Variants in SNX10 observed in about 807,000 individuals in gnomAD.
SNX10 encodes sorting nexin-10.
In SNX10, 25 loss-of-function variants were observed where a neutral mutation model predicts 28.5. The observed-to-expected ratio is 0.88, with a 90% CI of 0.64 to 1.22. SNX10 has a LOEUF of 1.22. Among genes scored for constraint, SNX10 ranks in the 50% most tolerant of loss-of-function variants. The pLI is 0.00. For missense variants in SNX10, 223 were observed against 242.6 expected (o/e 0.92, Z 0.54); for synonymous variants, 62 against 81.4 (o/e 0.76, Z 1.28).
At chr7:26,354,692 T>G (rs904280043) in intron 2 of SNX10, among the ~76,000 whole-genome samples, 1 of 67,492 alleles carries the variant, frequency 1.5e-5, no homozygotes, top group Non-Finnish European at 3.1e-5. Context: ...ATAGTTTTGT[T>G]TTTTTTTAAA....
In SNX10 at chr7:26,372,706, G is replaced by T; in HGVS notation, c.*134G>T. On this transcript the variant is annotated 3_prime_UTR_variant, in exon 7 of 7. Coordinates refer to ENST00000338523, the MANE Select transcript of SNX10 (RefSeq NM_013322.3). ...GGTATTTAAATTCTTAAAGATGTTG[G>T]GTTGTTTATTAGTGGTATTTTTATG... 1.6e-6 allele frequency: 1 copy of T among 608,906 alleles called. No individual in the cohort carries two copies. Among genetic ancestry groups the T allele is most frequent in the Admixed American group, 2.8e-5 (1 of 35,212 alleles). 37.7% of individuals were successfully genotyped at this position (608,906 alleles called of 1,614,324 possible).
chr7:26,346,320 G>T (rs569325455), intron 1 of SNX10, 100 bp from the exon 2 acceptor site: 19 of 778,222 alleles, frequency 2.4e-5, no homozygotes, highest in African/African-American at 8.5e-5. Context: ...TGTGGGGCGG[G>T]GGGGGCTCTG....
At position 26,355,888 on chromosome 7, in the gene SNX10, G is replaced by A. The variant is rs556778807; in HGVS notation, c.25-5087G>A. Among the ~76,000 whole-genome samples the A allele has an allele frequency of 1.1e-4, 17 of 152,304 alleles. No homozygotes were observed. In the East Asian group the frequency reaches 3.1e-3, roughly 28 times the overall value. ...CTTTGGGCCAGTTGCTTAAGCTTTA[G>A]AAGCCTCATTTAAAAAATCTGTAAA... On this transcript the variant is annotated intron_variant, in intron 2 of 6. Transcript: ENST00000338523.
chr7:26,294,448 A>T (rs1196028651), intron 1 of SNX10, among the ~76,000 whole-genome samples: 1 of 152,196 alleles, frequency 6.6e-6, no homozygotes. Context: ...AACTGTTAAT[A>T]CAACAGCTGA....
intron 1 of SNX10, among the ~76,000 whole-genome samples, chr7:26,343,788 C>T (rs375809567): frequency 7.2e-5 from 11 of 152,152 alleles, no homozygotes; most frequent in African/African-American, 2.7e-4. Flanking sequence ...GGACTTGAGC[C>T]GCTCCTCCTC....
chr7:26,364,424 G>C lies in SNX10; in HGVS notation c.112-111G>C. 7.1e-7 allele frequency: 1 copy of C among 1,410,034 alleles called. No individual in the cohort carries two copies. The allele number at this position is 1,410,034 out of a possible 1,614,324, so 87.3% of individuals were successfully genotyped here. A position where few individuals can be genotyped will look rare whatever the true frequency, so the allele number is the denominator to read the frequency against. On this transcript the variant is annotated intron_variant, in intron 3 of 6. Coordinates refer to ENST00000338523, the MANE Select transcript of SNX10 (RefSeq NM_013322.3). This position sits in a 1 kb window ranked among gnomAD's most constrained non-coding sequence, Gnocchi z 4.9. ...TGGCATAAATATAAATATATGTTTGGTGGTTTAAATCCTATTTAGAGTGAA... is the reference window on the plus strand; with the variant it reads ...TGGCATAAATATAAATATATGTTTGCTGGTTTAAATCCTATTTAGAGTGAA...
chr7:26,374,240 T>C lies in SNX10; in HGVS notation c.*1668T>C, dbSNP rs1789690881. On this transcript the variant is annotated 3_prime_UTR_variant, in exon 7 of 7. Coordinates refer to ENST00000338523, the MANE Select transcript of SNX10 (RefSeq NM_013322.3). ...CATATTATTTTTAGATGATGTAACA[T>C]AGCCATCAAAATTAATATTATGTAA... 6.6e-6 allele frequency: 1 copy of C among 152,038 alleles called. No homozygotes were observed. The highest frequency in any genetic ancestry group is 2.1e-4 in the South Asian group (1 of 4,830). The allele number at this position is 152,038 out of a possible 1,614,324, so 9.4% of individuals were successfully genotyped here. A position where few individuals can be genotyped will look rare whatever the true frequency, so the allele number is the denominator to read the frequency against.
chr7:26,341,998 T>C (rs34035272), intron 1 of SNX10, among the ~76,000 whole-genome samples: 18,273 of 121,332 alleles, frequency 0.15, 1,301 homozygotes, highest in East Asian at 0.27. Context: ...CTCTCTCTCT[T>C]TCTTTCTTTC....
intron 1 of SNX10, among the ~76,000 whole-genome samples, chr7:26,300,637 C>G (rs778153671): frequency 6.6e-6 from 1 of 152,074 alleles, no homozygotes; most frequent in Non-Finnish European, 1.5e-5. Context: ...TTATCCCAGC[C>G]TCCATCTCTG....
chr7:26,309,368 C>CAAA lies in SNX10; in HGVS notation c.-24+17296_-24+17298dup, dbSNP rs66530736. Among the ~76,000 whole-genome samples, 88 of 140,354 alleles carry CAAA rather than the reference C, an allele frequency of 6.3e-4. 1 individual carries two copies. The highest frequency in any genetic ancestry group is 5.0e-3 in the South Asian group (22 of 4,382). 92.1% of individuals were successfully genotyped at this position (140,354 alleles called of 152,430 possible). Reference sequence around the variant, plus strand: ...ACTCAAGGAGTGTTACTTAATCATCCAAAAAAAAAAAAAAAATCCCTCACC... The same window carrying CAAA: ...ACTCAAGGAGTGTTACTTAATCATCCAAAAAAAAAAAAAAAAAAATCCCTCACC... On this transcript the variant is annotated intron_variant, in intron 1 of 6. Transcript: ENST00000338523.
intron 2 of SNX10, among the ~76,000 whole-genome samples, chr7:26,350,224 T>A (rs1455981442): frequency 6.6e-6 from 1 of 152,200 alleles, no homozygotes; most frequent in Non-Finnish European, 1.5e-5. Context: ...CTCCAGTTAT[T>A]GACACCTTAG....
At position 26,326,974 on chromosome 7, in the gene SNX10, G is replaced by A. The variant is rs917081377; in HGVS notation, c.-23-19446G>A. 3.4e-5 allele frequency among the ~76,000 whole-genome samples: 5 copies of A among 147,128 alleles called. 1 individual carries two copies. Among genetic ancestry groups the A allele is most frequent in the South Asian group, 4.3e-4 (2 of 4,694 alleles). On this transcript the variant is annotated intron_variant, in intron 1 of 6. Transcript: ENST00000338523. ...CTTTTTTTTTTTTTTTTTTTGAGAC[G>A]GAGTCTCGCTCTGTCACCCAGGCTG...
At chr7:26,351,645 G>GTTT in intron 2 of SNX10, among the ~76,000 whole-genome samples, 2 of 132,550 alleles carry the variant, frequency 1.5e-5, no homozygotes, top group South Asian at 2.5e-4. Flanking sequence ...CAAGCAGTCT[G>GTTT]GTTTTTTTTT....
rs57340085 is a variant in SNX10 at position 26,335,735 on chromosome 7, CTTTTT to C, written c.-23-10663_-23-10659del. ...AAAATAACCTCGCAGATGGAATATTCTTTTTTTTTTTTTTTTTTTTTTTTTTGAGA... is the reference window on the plus strand; with the variant it reads ...AAAATAACCTCGCAGATGGAATATTCTTTTTTTTTTTTTTTTTTTTTGAGA... On this transcript the variant is annotated intron_variant, in intron 1 of 6. Coordinates refer to ENST00000338523, the MANE Select transcript of SNX10 (RefSeq NM_013322.3). 6.3e-4 allele frequency among the ~76,000 whole-genome samples: 53 copies of C among 84,274 alleles called. No individual in the cohort carries two copies. The East Asian group carries it at 7.5e-3, about 12-fold the overall frequency. 55.3% of individuals were successfully genotyped at this position (84,274 alleles called of 152,430 possible).
chr7:26,363,000 C>T (rs913769279), intron 3 of SNX10, among the ~76,000 whole-genome samples: 8 of 152,066 alleles, frequency 5.3e-5, no homozygotes, highest in African/African-American at 1.9e-4. Context: ...TGTGAGATGT[C>T]AGGAATCCCT....
chr7:26,349,774 A>G (rs1349558135), intron 2 of SNX10, among the ~76,000 whole-genome samples: 3 of 152,172 alleles, frequency 2.0e-5, no homozygotes, highest in African/African-American at 7.2e-5. Flanking sequence ...GGAGCTAGGC[A>G]TTTTTATTCT....
At chr7:26,368,920 CTTAG>C (rs1789399476) in intron 5 of SNX10, among the ~76,000 whole-genome samples, 1 of 151,982 alleles carries the variant, frequency 6.6e-6, no homozygotes, top group Non-Finnish European at 1.5e-5. Flanking sequence ...CCAGGACATC[CTTAG>C]TTAGGATGAA....
intron 1 of SNX10, among the ~76,000 whole-genome samples, chr7:26,324,467 T>G (rs1787426429): frequency 6.6e-6 from 1 of 152,174 alleles, no homozygotes. Flanking sequence ...TCACGTGATC[T>G]TCCCACCTCA....
chr7:26,336,392 T>A (rs765650559), intron 1 of SNX10, among the ~76,000 whole-genome samples: 1 of 151,844 alleles, frequency 6.6e-6, no homozygotes, highest in Admixed American at 6.6e-5. Flanking sequence ...AAAAAGTGCT[T>A]TTAAAAAATC....
Sources: gnomAD v4.1 joint callset for allele counts (sites outside exome capture counted in the v4.1 genomes callset) on GRCh38, gnomAD v4.1.1 for gene constraint, Gnocchi (gnomAD v3.1) non-coding constraint, MANE v1.5 for transcripts, NCBI Gene and HGNC (gene_info 2026-07-23, HGNC 2026-07-21) for gene names.